GPC5: variants seen among roughly 807,000 people sequenced by gnomAD.
GPC5 encodes glypican 5, also known as glypican-5.
GPC5 carries 47 observed loss-of-function variants against 53.9 expected under a neutral mutation model. The observed-to-expected ratio is 0.87, with a 90% CI of 0.69 to 1.11. The LOEUF (loss-of-function observed/expected upper bound fraction) is 1.11, where lower values mean the gene tolerates loss of function less well. Among genes scored for constraint, GPC5 ranks in the 50% most tolerant of loss-of-function variants. GPC5 has a pLI of 0.00. For synonymous variants in GPC5, 286 were observed against 263.3 expected (o/e 1.09, Z -0.84); for missense variants, 748 against 713.1 (o/e 1.05, Z -0.56).
chr13:91,626,225 T>C (rs1172496433), intron 2 of GPC5, among the ~76,000 whole-genome samples: 1 of 152,174 alleles, frequency 6.6e-6, no homozygotes, highest in Non-Finnish European at 1.5e-5. Flanking sequence ...GAGAGACATT[T>C]GTTACACTGA....
chr13:91,493,835 C>T (rs1383962091), intron 2 of GPC5, among the ~76,000 whole-genome samples: 1 of 151,928 alleles, frequency 6.6e-6, no homozygotes, highest in East Asian at 1.9e-4. Flanking sequence ...CGATTCTACC[C>T]TCATGTTTAT....
chr13:92,850,229 G>C (rs1878747779), intron 7 of GPC5, among the ~76,000 whole-genome samples: 1 of 152,156 alleles, frequency 6.6e-6, no homozygotes. Context: ...AACATAGGAT[G>C]CCCAAGAAAG....
chr13:92,247,147 A>G (rs981898686), intron 7 of GPC5, among the ~76,000 whole-genome samples: 10 of 152,246 alleles, frequency 6.6e-5, no homozygotes, highest in African/African-American at 2.4e-4. Flanking sequence ...TTTGCCCTAA[A>G]ATCTAATAAT....
chr13:91,631,091 T>C (rs927332569), intron 2 of GPC5, among the ~76,000 whole-genome samples: 6 of 152,230 alleles, frequency 3.9e-5, no homozygotes, highest in African/African-American at 7.2e-5. Context: ...ATCCTGTGCA[T>C]TGGACCAGAA....
rs1878189697 is a variant in GPC5 at position 91,415,940 on chromosome 13, C to A, written c.163+16731C>A. Among the ~76,000 whole-genome samples the A allele has an allele frequency of 2.0e-5, 3 of 152,108 alleles. No homozygotes were observed. The South Asian group carries it at 6.2e-4, about 32-fold the overall frequency. ...TTAATTTTTTTTACAAATGTGTTTC[C>A]CACTAATCCGTGCCCTGGAGGGAAA... is the stretch of plus-strand genomic sequence containing the variant. On this transcript the variant is annotated intron_variant, in intron 1 of 7. Transcript: ENST00000377067.
chr13:92,429,514 A>G (rs1365117239), intron 7 of GPC5, among the ~76,000 whole-genome samples: 1 of 151,942 alleles, frequency 6.6e-6, no homozygotes, highest in Non-Finnish European at 1.5e-5. Context: ...TTTTATAATC[A>G]CAAAAGATTT....
At chr13:92,255,552 C>A (rs2042721124) in intron 7 of GPC5, among the ~76,000 whole-genome samples, 1 of 151,812 alleles carries the variant, frequency 6.6e-6, no homozygotes, top group African/African-American at 2.4e-5. Context: ...AAAATATAAA[C>A]TTGAAATTTT....
At chr13:92,550,486 G>T (rs1882274757) in intron 7 of GPC5, among the ~76,000 whole-genome samples, 1 of 151,710 alleles carries the variant, frequency 6.6e-6, no homozygotes, top group Non-Finnish European at 1.5e-5. Context: ...GAAATAACTG[G>T]GTATCAAAAT....
At chr13:91,657,959 A>G (rs148287997) in intron 2 of GPC5, among the ~76,000 whole-genome samples, 124 of 152,320 alleles carry the variant, frequency 8.1e-4, no homozygotes, top group South Asian at 2.1e-3. Context: ...CCTACTTTGG[A>G]TATTTTCAAA....
Position 91,496,431 on chromosome 13 carries a change from G to A in GPC5, c.325+47509G>A, listed in dbSNP as rs143290576. 6.6e-5 allele frequency among the ~76,000 whole-genome samples: 10 copies of A among 152,256 alleles called. No homozygotes were observed. The East Asian group carries it at 1.2e-3, about 18-fold the overall frequency. The stretch of plus-strand genomic sequence containing the variant: ...AGAAAATGTGGTACATATACACAAC[G>A]GAGCACTATTCAACCATAAAAAAGA... On this transcript the variant is annotated intron_variant, in intron 2 of 7. Coordinates refer to ENST00000377067, the MANE Select transcript of GPC5 (RefSeq NM_004466.6).
intron 7 of GPC5, among the ~76,000 whole-genome samples, chr13:92,361,294 T>C (rs2043564764): frequency 6.6e-6 from 1 of 151,564 alleles, no homozygotes. Flanking sequence ...TGAATTAGAG[T>C]TGGAATCAGA....
At chr13:92,578,750 GAAT>G (rs1223369025) in intron 7 of GPC5, among the ~76,000 whole-genome samples, 1 of 152,142 alleles carries the variant, frequency 6.6e-6, no homozygotes, top group Non-Finnish European at 1.5e-5. Context: ...ACATACCCAG[GAAT>G]AATGTTTTGC....
At chr13:91,510,861 A>T (rs1885197569) in intron 2 of GPC5, among the ~76,000 whole-genome samples, 1 of 152,130 alleles carries the variant, frequency 6.6e-6, no homozygotes, top group Admixed American at 6.6e-5. Context: ...TTTGTGGGTT[A>T]TTAGTTCATT....
At position 91,532,711 on chromosome 13, in the gene GPC5, C is replaced by T. The variant is rs368144393; in HGVS notation, c.325+83789C>T. 4.0e-5 allele frequency among the ~76,000 whole-genome samples: 6 copies of T among 151,822 alleles called. No homozygotes were observed. In the East Asian group the frequency reaches 7.7e-4, roughly 20 times the overall value. ...TGAGATCCTGTCTCTACTAAAAATACAAAAAAATAGCCAGCATGGTGGTGC... is the reference window on the plus strand; with the variant it reads ...TGAGATCCTGTCTCTACTAAAAATATAAAAAAATAGCCAGCATGGTGGTGC... On this transcript the variant is annotated intron_variant, in intron 2 of 7. Transcript: ENST00000377067.
chr13:92,184,522 CT>C (rs1272824044), intron 7 of GPC5, among the ~76,000 whole-genome samples: 1 of 152,106 alleles, frequency 6.6e-6, no homozygotes, highest in Non-Finnish European at 1.5e-5. Flanking sequence ...TCAAAATTGT[CT>C]CCTTAAATAA....
intron 6 of GPC5, among the ~76,000 whole-genome samples, chr13:91,947,570 T>C (rs77304594): frequency 0.021 from 3,228 of 152,328 alleles, 103 homozygotes; most frequent in African/African-American, 0.074. Flanking sequence ...ATTTTAATCT[T>C]AATTTCATCA....
chr13:91,841,397 A>T (rs913494896), intron 5 of GPC5, among the ~76,000 whole-genome samples: 1 of 150,466 alleles, frequency 6.6e-6, no homozygotes, highest in Non-Finnish European at 1.5e-5. Context: ...GCCAGCAAAG[A>T]GGTCTTTTGG....
intron 7 of GPC5, among the ~76,000 whole-genome samples, chr13:92,489,796 G>C (rs1879690616): frequency 6.6e-6 from 1 of 151,826 alleles, no homozygotes; most frequent in Non-Finnish European, 1.5e-5. Context: ...TGGGACTAAG[G>C]CTTGATTCAC....
chr13:91,870,997 T>C (rs2039137918), intron 5 of GPC5, among the ~76,000 whole-genome samples: 1 of 152,224 alleles, frequency 6.6e-6, no homozygotes, highest in Non-Finnish European at 1.5e-5. Flanking sequence ...ACATCAAATG[T>C]ATTTATGTTT....
Sources: gnomAD v4.1 joint callset for allele counts (sites outside exome capture counted in the v4.1 genomes callset) on GRCh38, gnomAD v4.1.1 for gene constraint, MANE v1.5 for transcripts, NCBI Gene and HGNC (gene_info 2026-07-23, HGNC 2026-07-21) for gene names.